Variants in ARHGAP44 observed in about 807,000 individuals in gnomAD.
ARHGAP44 encodes the protein rho GTPase-activating protein 44.
A neutral mutation model predicts 106.8 loss-of-function variants in ARHGAP44; 43 were observed. The observed-to-expected ratio is 0.40, with a 90% confidence interval of 0.32 to 0.52. The LOEUF is 0.52. Among genes scored for constraint, ARHGAP44 ranks in the 20% least tolerant of loss-of-function variants. ARHGAP44 has a pLI of 0.48. For missense variants in ARHGAP44, 866 were observed against 1,050.5 expected, an observed-to-expected ratio of 0.82 and a Z score of 2.43; for synonymous variants, 439 against 410.3, an observed-to-expected ratio of 1.07 and a Z score of -0.85.
chr17:12,813,127 T>C (rs2150782617), intron 1 of ARHGAP44, among the ~76,000 whole-genome samples: 1 of 152,284 alleles, frequency 6.6e-6, no homozygotes, highest in South Asian at 2.1e-4. Context: ...GTTTTATGTT[T>C]TGAATTTGCT....
At chr17:12,912,138 G>A (rs1204588021) in intron 4 of ARHGAP44, among the ~76,000 whole-genome samples, 1 of 152,206 alleles carries the variant, frequency 6.6e-6, no homozygotes, top group Non-Finnish European at 1.5e-5. Context: ...AACAGATTGT[G>A]TAGGGGAGGA....
chr17:12,903,126 G>GAGGGGAGAGA (rs57334058), intron 3 of ARHGAP44, among the ~76,000 whole-genome samples: 1 of 70,696 alleles, frequency 1.4e-5, no homozygotes, highest in Non-Finnish European at 2.6e-5. Context: ...GAGAGAGAGA[G>GAGGGGAGAGA]GAGAGAGAGA....
intron 4 of ARHGAP44, among the ~76,000 whole-genome samples, chr17:12,914,576 C>T (rs531776462): frequency 5.5e-4 from 83 of 152,216 alleles, no homozygotes; most frequent in African/African-American, 2.0e-3. Flanking sequence ...GGGTGGATCA[C>T]CTGAGGTCAG....
Position 12,896,297 on chromosome 17 carries a change from C to G in ARHGAP44, c.94-110C>G, listed in dbSNP as rs748475060. Reference sequence around the variant, plus strand: ...AAACAAAAAAACAAAGCTGTCTCTCCAGGAGTCCTTGTCTCCATGGAAACA... The same window carrying G: ...AAACAAAAAAACAAAGCTGTCTCTCGAGGAGTCCTTGTCTCCATGGAAACA... On this transcript the variant is annotated intron_variant, in intron 2 of 20. Transcript: ENST00000379672. 58 of 843,326 alleles carry G rather than the reference C, an allele frequency of 6.9e-5. No individual in the cohort carries two copies. In the Admixed American group the frequency reaches 7.6e-4, roughly 11 times the overall value. 52.2% of individuals were successfully genotyped at this position (843,326 alleles called of 1,614,324 possible).
chr17:12,975,780 A>C (rs2039663068), intron 18 of ARHGAP44, among the ~76,000 whole-genome samples: 1 of 129,512 alleles, frequency 7.7e-6, no homozygotes, highest in African/African-American at 3.0e-5. Context: ...CCTGGGTGAC[A>C]GCGTGACTCC....
chr17:12,866,921 G>C (rs1393458783), intron 1 of ARHGAP44, among the ~76,000 whole-genome samples: 2 of 152,042 alleles, frequency 1.3e-5, no homozygotes, highest in Non-Finnish European at 2.9e-5. Flanking sequence ...AGGAGTTTCT[G>C]CTTTTGACCA....
intron 16 of ARHGAP44, among the ~76,000 whole-genome samples, chr17:12,969,751 C>T (rs56959902): frequency 0.1 from 15,828 of 152,226 alleles, 947 homozygotes; most frequent in South Asian, 0.2. Flanking sequence ...ACTGTATGAC[C>T]GCTCAGCTTC....
intron 1 of ARHGAP44, among the ~76,000 whole-genome samples, chr17:12,821,117 T>A (rs889961364): frequency 2.0e-5 from 3 of 152,182 alleles, no homozygotes; most frequent in Admixed American, 1.3e-4. Flanking sequence ...AACAAACAGC[T>A]AAGTCAGAAG....
intron 20 of ARHGAP44, 119 bp from the exon 21 acceptor site, chr17:12,989,913 G>A: frequency 1.4e-6 from 2 of 1,415,500 alleles, no homozygotes; most frequent in Non-Finnish European, 1.9e-6. Context: ...ACCTCCAAAT[G>A]ATCTATCCCT....
rs550661953 is a variant in ARHGAP44 at position 12,830,153 on chromosome 17, T to G, written c.53+40262T>G. Among the ~76,000 whole-genome samples the G allele has an allele frequency of 2.6e-5, 4 of 152,344 alleles. No homozygotes were observed. The South Asian group carries it at 8.3e-4, about 32-fold the overall frequency. Reference sequence around the variant, plus strand: ...TGAAGCCTTTTTAGTAAATATTTATTCAAATGCTTCCCCATCTTTGCCAAA... The same window carrying G: ...TGAAGCCTTTTTAGTAAATATTTATGCAAATGCTTCCCCATCTTTGCCAAA... On this transcript the variant is annotated intron_variant, in intron 1 of 20. Coordinates refer to ENST00000379672, the MANE Select transcript of ARHGAP44 (RefSeq NM_014859.6).
intron 1 of ARHGAP44, among the ~76,000 whole-genome samples, chr17:12,809,208 C>T (rs1423690257): frequency 1.3e-5 from 2 of 152,210 alleles, no homozygotes; most frequent in African/African-American, 2.4e-5. Flanking sequence ...ATCTTTCTGT[C>T]CTCTTCTGAG....
chr17:12,967,579 A>C (rs970649655), intron 16 of ARHGAP44, among the ~76,000 whole-genome samples: 2 of 151,972 alleles, frequency 1.3e-5, no homozygotes, highest in African/African-American at 4.8e-5. Context: ...TCTCACTTCG[A>C]GTAAAAGGAA....
At chr17:12,893,442 G>A (rs2108542) in intron 1 of ARHGAP44, among the ~76,000 whole-genome samples, 30,802 of 152,146 alleles carry the variant, frequency 0.2, 3,947 homozygotes, top group East Asian at 0.44. Context: ...GAGATGCTTC[G>A]TTATCACCAC....
In ARHGAP44 at chr17:12,849,214, C is replaced by CGTGTGTGTGTGTGT. The variant is rs112920406; in HGVS notation, c.54-45720_54-45707dup. Among the ~76,000 whole-genome samples the CGTGTGTGTGTGTGT allele has an allele frequency of 1.5e-4, 23 of 149,278 alleles. No homozygotes were observed. In the East Asian group the frequency reaches 4.0e-3, roughly 26 times the overall value. ...GCCAGAGATCTTAAACTGAGGTGGG[C>CGTGTGTGTGTGTGT]GTGTGTGTGTGTGTGTGTGCGCACA... is the stretch of plus-strand genomic sequence containing the variant. On this transcript the variant is annotated intron_variant, in intron 1 of 20. Coordinates refer to ENST00000379672, the MANE Select transcript of ARHGAP44 (RefSeq NM_014859.6).
Position 12,944,063 on chromosome 17 carries a change from C to T in ARHGAP44, c.734-6C>T. Reference sequence around the variant, plus strand: ...CTGACTGACTCTTTCTCACTCCTCCCCTCAGAGGCCTGGGTAGAGAAGCCT... The same window carrying T: ...CTGACTGACTCTTTCTCACTCCTCCTCTCAGAGGCCTGGGTAGAGAAGCCT... On this transcript the variant is annotated splice_region_variant and splice_polypyrimidine_tract_variant and intron_variant, in intron 9 of 20. Transcript: ENST00000379672. 6.2e-7 allele frequency: 1 copy of T among 1,603,452 alleles called. No individual in the cohort carries two copies. The highest frequency in any genetic ancestry group is 8.5e-7 in the Non-Finnish European group (1 of 1,173,290).
At chr17:12,910,416 A>G (rs1214683543) in intron 4 of ARHGAP44, among the ~76,000 whole-genome samples, 1 of 151,132 alleles carries the variant, frequency 6.6e-6, no homozygotes, top group Admixed American at 6.6e-5. Context: ...GGATGAGTAG[A>G]TCAAAGGATA....
chr17:12,951,312 G>C (rs2038987144), intron 12 of ARHGAP44, among the ~76,000 whole-genome samples: 1 of 152,160 alleles, frequency 6.6e-6, no homozygotes, highest in African/African-American at 2.4e-5. Context: ...GTATTGAACA[G>C]GTATGTAACT....
At chr17:12,982,326 T>A (rs1360648800) in intron 19 of ARHGAP44, among the ~76,000 whole-genome samples, 1 of 152,112 alleles carries the variant, frequency 6.6e-6, no homozygotes, top group Non-Finnish European at 1.5e-5. Context: ...TTTAATTTTT[T>A]TTTTTTTGAC....
Position 12,896,475 on chromosome 17 carries a change from G to C in ARHGAP44, c.162G>C (p.Leu54=), listed in dbSNP as rs376421836. The C allele has an allele frequency of 1.9e-6, 3 of 1,608,710 alleles. No individual in the cohort carries two copies. The highest frequency in any genetic ancestry group is 2.5e-6 in the Non-Finnish European group (3 of 1,177,872). The part of the protein sequence containing the change: ...HSTHKKLTAC[L]QGQQGAEADK... ...CGCACAAGAAGCTCACCGCATGTCT[G>C]CAGGGCCAGCAAGGGGCAGAGGCTG... is the stretch of plus-strand genomic sequence containing the variant. Residue 54 remains leucine (L), a synonymous_variant, in exon 3 of 21, where the codon CTG becomes CTC. Transcript: ENST00000379672.
Sources: gnomAD v4.1 joint callset for allele counts (sites outside exome capture counted in the v4.1 genomes callset) on GRCh38, gnomAD v4.1.1 for gene constraint, MANE v1.5 for transcripts, NCBI Gene and HGNC (gene_info 2026-07-23, HGNC 2026-07-21) for gene names.